MEIKIN: variants seen among roughly 807,000 people sequenced by gnomAD.
The protein encoded by MEIKIN is meiosis-specific kinetochore protein.
chr5:131,911,059 G>C (rs922782666), intron 8 of MEIKIN, among the ~76,000 whole-genome samples: 2 of 151,986 alleles, frequency 1.3e-5, no homozygotes, highest in Non-Finnish European at 2.9e-5. Context: ...TAACCCTCCA[G>C]GGTAGAAGGT....
intron 5 of MEIKIN, among the ~76,000 whole-genome samples, chr5:131,931,721 A>G (rs1418556723): frequency 6.6e-6 from 1 of 152,004 alleles, no homozygotes; most frequent in Non-Finnish European, 1.5e-5. Context: ...CTATTTTCTG[A>G]ATTTTTCACA....
At chr5:131,877,205 T>C (rs1251449988) in intron 9 of MEIKIN, among the ~76,000 whole-genome samples, 1 of 152,008 alleles carries the variant, frequency 6.6e-6, no homozygotes, top group Admixed American at 6.6e-5. Context: ...TTTTTTTTAA[T>C]GATTAAAAAA....
chr5:131,902,987 A>T (rs1398062355), intron 8 of MEIKIN, among the ~76,000 whole-genome samples: 1 of 152,186 alleles, frequency 6.6e-6, no homozygotes, highest in Non-Finnish European at 1.5e-5. Context: ...TAAAAAATAC[A>T]CTCTGAGAAT....
At chr5:131,931,281 A>T (rs1318006628) in intron 5 of MEIKIN, among the ~76,000 whole-genome samples, 2 of 152,200 alleles carry the variant, frequency 1.3e-5, no homozygotes, top group Non-Finnish European at 2.9e-5. Context: ...AAGTTGGAAC[A>T]TTGGACACAA....
chr5:131,823,892 C>A (rs994831579), intron 11 of MEIKIN, among the ~76,000 whole-genome samples: 16 of 152,300 alleles, frequency 1.1e-4, no homozygotes, highest in East Asian at 5.8e-4. Context: ...CTGGTCTTTG[C>A]AGACTTGTAG....
chr5:131,875,295 G>C (rs933659415), intron 9 of MEIKIN, among the ~76,000 whole-genome samples: 7 of 152,196 alleles, frequency 4.6e-5, no homozygotes, highest in African/African-American at 1.7e-4. Flanking sequence ...CTTCAGCAAA[G>C]TCTCAAGATA....
At chr5:131,913,256 T>G (rs962306094) in intron 7 of MEIKIN, among the ~76,000 whole-genome samples, 5 of 152,212 alleles carry the variant, frequency 3.3e-5, no homozygotes, top group African/African-American at 9.7e-5. Flanking sequence ...GAAGTCATAT[T>G]GGGCATAATC....
intron 9 of MEIKIN, among the ~76,000 whole-genome samples, chr5:131,864,761 C>CTTG (rs1750355364): frequency 6.6e-6 from 1 of 152,164 alleles, no homozygotes; most frequent in Non-Finnish European, 1.5e-5. Context: ...GCCTAAATCT[C>CTTG]TTGTTAGACT....
At chr5:131,820,405 T>C (rs913536531) in intron 11 of MEIKIN, among the ~76,000 whole-genome samples, 9 of 152,174 alleles carry the variant, frequency 5.9e-5, no homozygotes, top group Admixed American at 2.0e-4. Flanking sequence ...ATCTTTCAAA[T>C]GTATTGTTGA....
intron 8 of MEIKIN, among the ~76,000 whole-genome samples, chr5:131,879,855 A>G (rs1197539571): frequency 6.6e-6 from 1 of 152,136 alleles, no homozygotes; most frequent in Non-Finnish European, 1.5e-5. Flanking sequence ...AGCAACAAGT[A>G]TTTATTGAGT....
intron 11 of MEIKIN, among the ~76,000 whole-genome samples, chr5:131,843,609 A>G (rs187671775): frequency 7.9e-5 from 12 of 152,364 alleles, no homozygotes; most frequent in Middle Eastern, 6.8e-3. Context: ...CAGTATATTT[A>G]CTAAAGCATA....
Position 131,945,570 on chromosome 5 carries a change from G to A in MEIKIN, c.-65C>T, listed in dbSNP as rs974472222. 20 of 399,924 alleles carry A rather than the reference G, an allele frequency of 5.0e-5. No individual in the cohort carries two copies. Among genetic ancestry groups the A allele is most frequent in the Middle Eastern group, 6.2e-4 (1 of 1,612 alleles). The allele number at this position is 399,924 out of a possible 1,614,324, so 24.8% of individuals were successfully genotyped here. ...ACTCTCGATGGCCTGCCTTCCTGAG[G>A]ATCAGGGCTAAGTCACAGGGAGTCA... is the stretch of plus-strand genomic sequence containing the variant. On this transcript the variant is annotated 5_prime_UTR_variant, in exon 1 of 13. Transcript: ENST00000442687.
chr5:131,876,429 A>G (rs1366915417), intron 9 of MEIKIN, among the ~76,000 whole-genome samples: 1 of 150,398 alleles, frequency 6.6e-6, no homozygotes, highest in Non-Finnish European at 1.5e-5. Context: ...AGAAATGCAA[A>G]TCAAAACCAC....
intron 11 of MEIKIN, among the ~76,000 whole-genome samples, chr5:131,825,349 CAT>C (rs1426819941): frequency 6.6e-6 from 1 of 152,112 alleles, no homozygotes; most frequent in Non-Finnish European, 1.5e-5. Context: ...TGCTAGGACT[CAT>C]AGGATTCAGA....
intron 9 of MEIKIN, among the ~76,000 whole-genome samples, chr5:131,873,904 T>A (rs1234441438): frequency 6.6e-6 from 1 of 152,082 alleles, no homozygotes; most frequent in East Asian, 1.9e-4. Flanking sequence ...ACTGGGTAAA[T>A]AATGAAATCA....
At chr5:131,910,932 T>G (rs1031804580) in intron 8 of MEIKIN, among the ~76,000 whole-genome samples, 2 of 152,230 alleles carry the variant, frequency 1.3e-5, no homozygotes, top group Non-Finnish European at 2.9e-5. Context: ...TGGCAAAACC[T>G]AGGTAAAATC....
intron 9 of MEIKIN, among the ~76,000 whole-genome samples, chr5:131,860,568 C>T (rs2149619140): frequency 6.6e-6 from 1 of 151,646 alleles, no homozygotes; most frequent in East Asian, 1.9e-4. Flanking sequence ...CCTCAGCCTC[C>T]CAAGCAGCTG....
chr5:131,884,658 T>C (rs1750747698), intron 8 of MEIKIN, among the ~76,000 whole-genome samples: 1 of 152,004 alleles, frequency 6.6e-6, no homozygotes, highest in Non-Finnish European at 1.5e-5. Flanking sequence ...GAGGGAAATG[T>C]AAAGGAGATT....
rs1014195834 is a variant in MEIKIN, at chr5:131,944,747, C to G, written c.206G>C (p.Arg69Pro). The change falls in exon 3 of 13, where the codon CGC becomes CCC. Residue 69 changes from arginine to proline, a missense_variant. Coordinates refer to ENST00000442687, the MANE Select transcript of MEIKIN (RefSeq NM_001303622.2). ...GGSGSGPFSP[R>P]LGVTGEKSLQ... The stretch of plus-strand genomic sequence containing the variant: ...GCTTTTCTCTCCTGTAACTCCTAAG[C>G]GAGGGCTAACAAAGAGACAACGCAA... 23 of 399,014 alleles carry G rather than the reference C, an allele frequency of 5.8e-5. No homozygotes were observed. Among genetic ancestry groups the G allele is most frequent in the Non-Finnish European group, 9.7e-5 (22 of 226,064 alleles). The allele number at this position is 399,014 out of a possible 1,614,324, so 24.7% of individuals were successfully genotyped here. A position where few individuals can be genotyped will look rare whatever the true frequency, so the allele number is the denominator to read the frequency against.
Sources: allele counts gnomAD v4.1 joint callset (sites outside exome capture counted in the v4.1 genomes callset), GRCh38; gene constraint gnomAD v4.1.1; transcripts MANE v1.5; gene names NCBI Gene and HGNC (gene_info 2026-07-23, HGNC 2026-07-21).